IQCM: variants seen among roughly 807,000 people sequenced by gnomAD.
IQCM encodes the protein IQ motif containing M.
IQCM carries 45 observed loss-of-function variants against 57.6 expected under a neutral mutation model. The observed-to-expected ratio is 0.78, with a 90% confidence interval of 0.62 to 1.00. The LOEUF (loss-of-function observed/expected upper bound fraction) is 1.00. Ranked by LOEUF, IQCM falls within the 50% of genes least tolerant of loss-of-function variation. The pLI is 0.00. For synonymous variants in IQCM, 148 were observed against 158.9 expected (o/e 0.93, Z 0.51); for missense variants, 468 against 511.6 (o/e 0.91, Z 0.82).
At chr4:149,592,605 T>G (rs1471134059) in intron 8 of IQCM, among the ~76,000 whole-genome samples, 1 of 151,874 alleles carries the variant, frequency 6.6e-6, no homozygotes, top group Non-Finnish European at 1.5e-5. Flanking sequence ...AACATTTAAG[T>G]CTTTAATCCA....
At chr4:149,670,144 T>C (rs1761125472) in intron 7 of IQCM, among the ~76,000 whole-genome samples, 1 of 152,172 alleles carries the variant, frequency 6.6e-6, no homozygotes, top group Non-Finnish European at 1.5e-5. Context: ...GTGTCCTCTT[T>C]TATTTCGTTG....
At chr4:149,464,512 CATCTTGCCATGTG>C (rs1738637095) in intron 12 of IQCM, among the ~76,000 whole-genome samples, 1 of 152,148 alleles carries the variant, frequency 6.6e-6, no homozygotes, top group African/African-American at 2.4e-5. Flanking sequence ...CTGATTTTGC[CATCTTGCCATGTG>C]ACTACTGCCA....
intron 12 of IQCM, among the ~76,000 whole-genome samples, chr4:149,485,870 C>G (rs1039395039): frequency 3.3e-5 from 5 of 152,160 alleles, no homozygotes; most frequent in Non-Finnish European, 1.5e-5. Context: ...TTCAAAGAGA[C>G]TTGGACAATT....
intron 5 of IQCM, among the ~76,000 whole-genome samples, chr4:149,708,863 T>C (rs761748176): frequency 6.6e-6 from 1 of 152,084 alleles, no homozygotes; most frequent in Non-Finnish European, 1.5e-5. Context: ...CTTTTTATTG[T>C]TTATCTACAT....
intron 3 of IQCM, 59 bp downstream of exon 3, chr4:149,742,596 T>C: frequency 1.0e-6 from 1 of 968,368 alleles, no homozygotes; most frequent in South Asian, 5.3e-5. Context: ...TAGAAAAGAG[T>C]GGTTAAAACA....
intron 13 of IQCM, among the ~76,000 whole-genome samples, chr4:149,403,706 T>C (rs1334245994): frequency 6.6e-6 from 1 of 151,812 alleles, no homozygotes; most frequent in Non-Finnish European, 1.5e-5. Flanking sequence ...ATGGGACAGA[T>C]GGAGGAAAAA....
chr4:149,428,923 T>A (rs572531039), intron 13 of IQCM, among the ~76,000 whole-genome samples: 1 of 151,988 alleles, frequency 6.6e-6, no homozygotes, highest in South Asian at 2.1e-4. Context: ...AGGTCGTTGA[T>A]ATTACTCAGC....
At chr4:149,763,777 T>C (rs1410569711) in intron 2 of IQCM, among the ~76,000 whole-genome samples, 1 of 151,964 alleles carries the variant, frequency 6.6e-6, no homozygotes, top group Non-Finnish European at 1.5e-5. Context: ...TCTTTGGGCA[T>C]GCTGCTTTTC....
In IQCM at chr4:149,351,785, C is replaced by A. The variant is rs532407409; in HGVS notation, c.*166G>T. On this transcript the variant is annotated 3_prime_UTR_variant, in exon 14 of 14. Transcript: ENST00000636793. ...TGAAGGAGATCAAATGAATGGTGTTCATCCAAAAATACTAGAAATTATAGA... is the reference window on the plus strand; with the variant it reads ...TGAAGGAGATCAAATGAATGGTGTTAATCCAAAAATACTAGAAATTATAGA... The A allele has an allele frequency of 1.5e-5, 6 of 387,524 alleles. No individual in the cohort carries two copies. The highest frequency in any genetic ancestry group is 1.2e-4 in the African/African-American group (6 of 48,354). 24.0% of individuals were successfully genotyped at this position (387,524 alleles called of 1,614,324 possible).
At chr4:149,595,939 T>C (rs188447177) in intron 8 of IQCM, among the ~76,000 whole-genome samples, 13 of 152,288 alleles carry the variant, frequency 8.5e-5, no homozygotes, top group South Asian at 2.1e-4. Context: ...GGTCACTTTG[T>C]AATAGCCATG....
At chr4:149,642,140 T>C (rs1227469232) in intron 7 of IQCM, among the ~76,000 whole-genome samples, 2 of 152,264 alleles carry the variant, frequency 1.3e-5, no homozygotes, top group African/African-American at 2.4e-5. Flanking sequence ...TGACATTTAA[T>C]AAATGGCACT....
chr4:149,517,489 A>C (rs1745101893), intron 12 of IQCM, among the ~76,000 whole-genome samples: 1 of 152,110 alleles, frequency 6.6e-6, no homozygotes, highest in Admixed American at 6.6e-5. Context: ...TTATGACCTT[A>C]TTATTGTCTT....
At chr4:149,685,171 G>T (rs1184053707) in intron 6 of IQCM, among the ~76,000 whole-genome samples, 2 of 151,276 alleles carry the variant, frequency 1.3e-5, no homozygotes, top group Non-Finnish European at 3.0e-5. Context: ...TTCTGCCATG[G>T]CTTACCAGCC....
intron 13 of IQCM, among the ~76,000 whole-genome samples, chr4:149,370,185 C>T (rs1471118934): frequency 6.6e-6 from 1 of 152,228 alleles, no homozygotes; most frequent in Non-Finnish European, 1.5e-5. Flanking sequence ...TGAGCCACAA[C>T]ATCCCACCTG....
At chr4:149,366,945 T>C (rs1436467480) in intron 13 of IQCM, among the ~76,000 whole-genome samples, 2 of 152,000 alleles carry the variant, frequency 1.3e-5, no homozygotes, top group Non-Finnish European at 2.9e-5. Context: ...AAACTAATAA[T>C]GACAAACAAT....
At chr4:149,785,605 A>G (rs971524936) in intron 2 of IQCM, among the ~76,000 whole-genome samples, 19 of 152,210 alleles carry the variant, frequency 1.2e-4, no homozygotes, top group African/African-American at 4.3e-4. Context: ...GAGAAAATTT[A>G]TATTATCTCA....
chr4:149,601,361 G>A (rs1226447469), intron 8 of IQCM, among the ~76,000 whole-genome samples: 1 of 152,032 alleles, frequency 6.6e-6, no homozygotes, highest in Non-Finnish European at 1.5e-5. Flanking sequence ...CAGCATGTAG[G>A]TAAACTTAAA....
intron 5 of IQCM, among the ~76,000 whole-genome samples, chr4:149,720,370 AT>A (rs1273475390): frequency 1.3e-5 from 2 of 152,128 alleles, no homozygotes; most frequent in African/African-American, 4.8e-5. Context: ...GTTTTATTCA[AT>A]TATATTAATT....
chr4:149,608,772 A>T (rs1755017640), intron 8 of IQCM, among the ~76,000 whole-genome samples: 1 of 151,896 alleles, frequency 6.6e-6, no homozygotes, highest in African/African-American at 2.4e-5. Context: ...GCATTGAATG[A>T]AATTTATAGC....
Sources: allele counts gnomAD v4.1 joint callset (sites outside exome capture counted in the v4.1 genomes callset), GRCh38; gene constraint gnomAD v4.1.1; transcripts MANE v1.5; gene names NCBI Gene and HGNC (gene_info 2026-07-23, HGNC 2026-07-21).